The following SUMF1 variants were observed in gnomAD, a reference collection of about 807,000 sequenced individuals.
SUMF1 encodes sulfatase modifying factor 1, also known as formylglycine-generating enzyme.
Under a neutral mutation model 47.6 loss-of-function variants are expected in SUMF1, and 48 were observed. The ratio of observed to expected loss-of-function variants is 1.01; its 90% CI spans 0.80 to 1.28. SUMF1 has a LOEUF of 1.28. Ranked by LOEUF, SUMF1 falls within the 50% of genes most tolerant of loss-of-function variation. The pLI is 0.00. For synonymous variants in SUMF1, 230 were observed against 192.1 expected (o/e 1.20, Z -1.63); for missense variants, 571 against 485.4 (o/e 1.18, Z -1.66).
intron 8 of SUMF1, among the ~76,000 whole-genome samples, chr3:4,190,966 C>T (rs893690454): frequency 1.3e-5 from 2 of 152,150 alleles, no homozygotes; most frequent in African/African-American, 4.8e-5. Flanking sequence ...TGAAGCCAGA[C>T]AGTAGGCAAA....
intron 8 of SUMF1, among the ~76,000 whole-genome samples, chr3:4,073,697 T>C (rs1456903685): frequency 6.6e-6 from 1 of 152,102 alleles, no homozygotes; most frequent in African/African-American, 2.4e-5. Context: ...TCCTAGTCTC[T>C]GAGAAAACAC....
At chr3:4,264,955 G>C (rs955751050) in intron 8 of SUMF1, among the ~76,000 whole-genome samples, 1 of 152,008 alleles carries the variant, frequency 6.6e-6, no homozygotes, top group Non-Finnish European at 1.5e-5. Context: ...CCAACATTGT[G>C]AGACCCTATC....
chr3:4,434,274 A>G (rs1702328136), intron 3 of SUMF1, among the ~76,000 whole-genome samples: 1 of 152,264 alleles, frequency 6.6e-6, no homozygotes, highest in African/African-American at 2.4e-5. Context: ...GGTAAATTTT[A>G]TGTTATGTAT....
At chr3:4,167,696 T>A (rs1402588661) in intron 8 of SUMF1, among the ~76,000 whole-genome samples, 1 of 152,170 alleles carries the variant, frequency 6.6e-6, no homozygotes, top group Non-Finnish European at 1.5e-5. Context: ...TCAGTAGCAG[T>A]GGCAACTCAG....
chr3:4,136,721 A>T (rs1484252691), intron 8 of SUMF1, among the ~76,000 whole-genome samples: 1 of 149,444 alleles, frequency 6.7e-6, no homozygotes, highest in East Asian at 1.9e-4. Flanking sequence ...CAATCTACTC[A>T]TCTGACAAAG....
At chr3:4,054,709 C>G (rs913867646) in intron 9 of SUMF1, among the ~76,000 whole-genome samples, 17 of 152,128 alleles carry the variant, frequency 1.1e-4, no homozygotes, top group African/African-American at 4.1e-4. Context: ...TCTCACTCAA[C>G]CTTCTTGACC....
chr3:4,256,676 C>A (rs1696961137), intron 8 of SUMF1, among the ~76,000 whole-genome samples: 2 of 152,200 alleles, frequency 1.3e-5, no homozygotes, highest in African/African-American at 4.8e-5. Flanking sequence ...CAGCCAAATT[C>A]TACCAGAGGT....
At chr3:4,183,580 C>A (rs1432587677) in intron 8 of SUMF1, among the ~76,000 whole-genome samples, 2 of 152,028 alleles carry the variant, frequency 1.3e-5, no homozygotes, top group African/African-American at 2.4e-5. Flanking sequence ...TGAGAGTTAA[C>A]TAATTACAGA....
At chr3:4,061,668 G>A (rs747316709) in intron 9 of SUMF1, among the ~76,000 whole-genome samples, 1 of 152,050 alleles carries the variant, frequency 6.6e-6, no homozygotes, top group Admixed American at 6.6e-5. Context: ...GTAATAATGG[G>A]GTGGTGGGGG....
At position 4,335,972 on chromosome 3, in the gene SUMF1, A is replaced by AAAAAAAAC. The variant is rs1699144223; in HGVS notation, c.1014+40357_1014+40358insGTTTTTTT. 2.7e-5 allele frequency among the ~76,000 whole-genome samples: 4 copies of AAAAAAAAC among 149,756 alleles called. No homozygotes were observed. The South Asian group carries it at 9.0e-4, about 34-fold the overall frequency. On this transcript the variant is annotated intron_variant and NMD_transcript_variant, in intron 8 of 12. Transcript: ENST00000448413. ...TGAGATTCCAACTCAAAAAAAAAAA[A>AAAAAAAAC]AAAAAAAACAGAAAAAACCCCCAGC... is the stretch of plus-strand genomic sequence containing the variant.
rs1228229278 is a variant in SUMF1, at chr3:4,361,493, G to A, written c.*651C>T. The A allele has an allele frequency of 1.3e-5, 2 of 154,910 alleles. No individual in the cohort carries two copies. Among genetic ancestry groups the A allele is most frequent in the African/African-American group, 2.4e-5 (1 of 41,454 alleles). 9.6% of individuals were successfully genotyped at this position (154,910 alleles called of 1,614,324 possible). ...TTCAGCATACCATCACCGGCCCCAT[G>A]TGGGATTCATCATAACAACGTAAAA... On this transcript the variant is annotated 3_prime_UTR_variant, in exon 9 of 9. Coordinates refer to ENST00000272902, the MANE Select transcript of SUMF1 (RefSeq NM_182760.4).
At chr3:4,283,419 A>G (rs570187131) in intron 8 of SUMF1, among the ~76,000 whole-genome samples, 3 of 152,362 alleles carry the variant, frequency 2.0e-5, no homozygotes, top group African/African-American at 7.2e-5. Flanking sequence ...TACGTTCTCC[A>G]ACCCATGTGA....
Position 4,189,134 on chromosome 3 carries a change from A to G in SUMF1, c.1015-120389T>C, listed in dbSNP as rs115131906. Among the ~76,000 whole-genome samples, 895 of 152,236 alleles carry G rather than the reference A, an allele frequency of 5.9e-3. 3 individuals carry two copies. Among genetic ancestry groups the G allele is most frequent in the Middle Eastern group, 0.017 (5 of 294 alleles). On this transcript the variant is annotated intron_variant and NMD_transcript_variant, in intron 8 of 12. Coordinates refer to the SUMF1 transcript ENST00000448413. The stretch of plus-strand genomic sequence containing the variant: ...CTTGTACATCAAGTCCAAAATATTA[A>G]TCCACCAGTAATATTATCTTAATAT...
intron 8 of SUMF1, among the ~76,000 whole-genome samples, chr3:4,143,731 G>T (rs1694125976): frequency 1.3e-5 from 2 of 152,034 alleles, no homozygotes; most frequent in Non-Finnish European, 2.9e-5. Flanking sequence ...ACTTTCCCAA[G>T]GTCATAAAGC....
intron 8 of SUMF1, among the ~76,000 whole-genome samples, chr3:4,223,963 C>T (rs181925045): frequency 1.3e-5 from 2 of 152,198 alleles, no homozygotes; most frequent in African/African-American, 2.4e-5. Flanking sequence ...TCTCTTCTGA[C>T]AGAAACAGTC....
At chr3:4,211,925 C>G (rs971019273) in intron 8 of SUMF1, among the ~76,000 whole-genome samples, 1 of 152,164 alleles carries the variant, frequency 6.6e-6, no homozygotes, top group Non-Finnish European at 1.5e-5. Context: ...AGGCAGCAAC[C>G]CCAGTCAGGG....
intron 8 of SUMF1, among the ~76,000 whole-genome samples, chr3:4,266,081 T>C (rs1697188278): frequency 6.6e-6 from 1 of 152,220 alleles, no homozygotes; most frequent in Non-Finnish European, 1.5e-5. Context: ...TCTGTTCCAT[T>C]GATCTAGATC....
intron 9 of SUMF1, among the ~76,000 whole-genome samples, chr3:4,067,527 G>C (rs1337881053): frequency 6.6e-6 from 1 of 152,122 alleles, no homozygotes; most frequent in Non-Finnish European, 1.5e-5. Context: ...AAGAAAAACT[G>C]ACCCCAAGTC....
intron 3 of SUMF1, among the ~76,000 whole-genome samples, chr3:4,434,217 T>C (rs182661867): frequency 6.6e-6 from 1 of 152,366 alleles, no homozygotes; most frequent in Admixed American, 6.5e-5. Flanking sequence ...ATAACACTGT[T>C]AATGTACTTA....
Sources: allele counts gnomAD v4.1 joint callset (sites outside exome capture counted in the v4.1 genomes callset), GRCh38; gene constraint gnomAD v4.1.1; transcripts MANE v1.5; gene names NCBI Gene and HGNC (gene_info 2026-07-23, HGNC 2026-07-21).